Variants in CD109 observed in about 807,000 individuals in gnomAD.
CD109 encodes CD109 antigen.
A neutral mutation model predicts 165.8 loss-of-function variants in CD109; 149 were observed. The ratio of observed to expected loss-of-function variants is 0.90; its 90% confidence interval spans 0.79 to 1.03. The LOEUF is 1.03. Ranked by LOEUF, CD109 falls within the 50% of genes least tolerant of loss-of-function variation. The probability of loss-of-function intolerance (pLI) is 0.00; values close to 1 mark genes in which losing one functional copy is unlikely to be tolerated. For missense variants in CD109, 1,712 were observed against 1,677.8 expected (o/e 1.02, Z -0.36); for synonymous variants, 585 against 592.1 (o/e 0.99, Z 0.18).
At chr6:73,779,894 C>A (rs1007310957) in intron 15 of CD109, among the ~76,000 whole-genome samples, 1 of 151,804 alleles carries the variant, frequency 6.6e-6, no homozygotes. Context: ...GCAAATATCT[C>A]ATTTTTGAAA....
intron 2 of CD109, among the ~76,000 whole-genome samples, chr6:73,707,659 G>A (rs1225396860): frequency 2.6e-5 from 4 of 152,096 alleles, no homozygotes; most frequent in Admixed American, 2.6e-4. Context: ...CTAACCACAT[G>A]TGGTTTTTGA....
intron 5 of CD109, among the ~76,000 whole-genome samples, chr6:73,738,470 C>T (rs550631100): frequency 2.0e-5 from 3 of 152,180 alleles, no homozygotes; most frequent in East Asian, 1.9e-4. Flanking sequence ...GGATAACAGG[C>T]GCTGAGGGAT....
chr6:73,753,296 G>A (rs770342335), intron 5 of CD109, among the ~76,000 whole-genome samples: 6 of 152,142 alleles, frequency 3.9e-5, no homozygotes, highest in African/African-American at 7.2e-5. Flanking sequence ...AAAGTACTCA[G>A]TATCAGTGTT....
chr6:73,799,858 A>AT (rs567805191), intron 23 of CD109, among the ~76,000 whole-genome samples: 278 of 142,426 alleles, frequency 2.0e-3, no homozygotes, highest in Middle Eastern at 0.011. Flanking sequence ...TCCCCCCGCA[A>AT]TTTTTTTTTT....
At chr6:73,769,773 G>A (rs1773973010) in intron 14 of CD109, among the ~76,000 whole-genome samples, 1 of 152,194 alleles carries the variant, frequency 6.6e-6, no homozygotes, top group South Asian at 2.1e-4. Flanking sequence ...AGTATAGAGT[G>A]AGAAGTACAA....
At chr6:73,791,117 G>C (rs867557391) in intron 22 of CD109, among the ~76,000 whole-genome samples, 6 of 65,282 alleles carry the variant, frequency 9.2e-5, no homozygotes, top group African/African-American at 3.8e-4. Flanking sequence ...TTATTTGGAG[G>C]CATATATATA....
Position 73,781,266 on chromosome 6 carries a change from GA to G in CD109, c.1911del (p.Leu638SerfsTer4), listed in dbSNP as rs773406893. 6.2e-7 allele frequency: 1 copy of G among 1,611,944 alleles called. No homozygotes were observed. The highest frequency in any genetic ancestry group is 8.5e-7 in the Non-Finnish European group (1 of 1,178,302). On this transcript the variant is annotated frameshift_variant, in exon 17 of 33. Coordinates refer to ENST00000287097, the MANE Select transcript of CD109 (RefSeq NM_133493.5). LOFTEE classifies it high-confidence loss of function. Reference sequence around the variant, plus strand: ...AAAAATTATTCTTTTTAGGAATGTGGACTCTGGGTATTGACAGATGCAAACC... The same window carrying G: ...AAAAATTATTCTTTTTAGGAATGTGGCTCTGGGTATTGACAGATGCAAACC... ...MNSFAVFQEC[G>X]LWVLTDANLT... is the part of the protein sequence containing the mutation.
intron 5 of CD109, among the ~76,000 whole-genome samples, chr6:73,753,404 A>C (rs1773269255): frequency 6.6e-6 from 1 of 152,186 alleles, no homozygotes; most frequent in African/African-American, 2.4e-5. Context: ...ATATCTCATT[A>C]AAATAATTGA....
rs376378346 is a variant in CD109 at position 73,783,748 on chromosome 6, C to T, written c.2147C>T (p.Ser716Phe). 42 of 1,612,902 alleles carry T rather than the reference C, an allele frequency of 2.6e-5. No individual in the cohort carries two copies. Among genetic ancestry groups the T allele is most frequent in the Non-Finnish European group, 3.5e-5 (41 of 1,179,194 alleles). ...GAATTTGAAGTAACTGTACCTGATT[C>T]TATCACTTCTTGGGTGGCTACTGGT... ...YQEFEVTVPDSITSWVATGFV... is the reference protein window; with the variant it reads ...YQEFEVTVPDFITSWVATGFV... The change falls in exon 19 of 33, where the codon TCT becomes TTT. Residue 716 changes from serine to phenylalanine, a missense_variant. Coordinates refer to ENST00000287097, the MANE Select transcript of CD109 (RefSeq NM_133493.5).
intron 2 of CD109, among the ~76,000 whole-genome samples, chr6:73,722,352 C>T (rs1020858616): frequency 6.6e-6 from 1 of 152,170 alleles, no homozygotes; most frequent in Admixed American, 6.5e-5. Context: ...GCATCCTCAT[C>T]TTATGGATGA....
chr6:73,696,781 C>T (rs991106920), intron 1 of CD109, among the ~76,000 whole-genome samples: 2 of 152,168 alleles, frequency 1.3e-5, no homozygotes, highest in Non-Finnish European at 1.5e-5. Context: ...CTAAAGATTT[C>T]TGTAGTTGAG....
rs894845384 is a variant in CD109 at position 73,699,616 on chromosome 6, T to G, written c.247+2044T>G. Reference sequence around the variant, plus strand: ...TGTGGCTTGGTTTTCAGCTTTATTCTTAGATCTTCTTTTGGGAGAAGGGTT... The same window carrying G: ...TGTGGCTTGGTTTTCAGCTTTATTCGTAGATCTTCTTTTGGGAGAAGGGTT... On this transcript the variant is annotated intron_variant, in intron 2 of 32. Coordinates refer to ENST00000287097, the MANE Select transcript of CD109 (RefSeq NM_133493.5). 2.0e-5 allele frequency among the ~76,000 whole-genome samples: 3 copies of G among 152,286 alleles called. No homozygotes were observed. In the East Asian group the frequency reaches 5.8e-4, roughly 29 times the overall value.
rs1413426486 is a variant in CD109, at chr6:73,825,034, C to A, written c.*1401C>A. The A allele has an allele frequency of 6.6e-6, 1 of 152,060 alleles. No homozygotes were observed. Among genetic ancestry groups the A allele is most frequent in the Non-Finnish European group, 1.5e-5 (1 of 68,014 alleles). The allele number at this position is 152,060 out of a possible 1,614,324, so 9.4% of individuals were successfully genotyped here. A position where few individuals can be genotyped will look rare whatever the true frequency, so the allele number is the denominator to read the frequency against. ...GTTTTTAGCTATTTAAAAATAAATCCATCAAAAATAAAGTATGCAAATGTA... is the reference window on the plus strand; with the variant it reads ...GTTTTTAGCTATTTAAAAATAAATCAATCAAAAATAAAGTATGCAAATGTA... On this transcript the variant is annotated 3_prime_UTR_variant, in exon 33 of 33. Coordinates refer to ENST00000287097, the MANE Select transcript of CD109 (RefSeq NM_133493.5).
chr6:73,693,018 T>C (rs1005017422), upstream of CD109, among the ~76,000 whole-genome samples: 1 of 152,230 alleles, frequency 6.6e-6, no homozygotes, highest in Admixed American at 6.5e-5. Context: ...TCTAGATGGT[T>C]AAACAAGCTC....
Position 73,787,323 on chromosome 6 carries a change from G to A in CD109, c.2427G>A (p.Leu809=). 6.2e-7 allele frequency: 1 copy of A among 1,614,056 alleles called. No homozygotes were observed. Among genetic ancestry groups the A allele is most frequent in the South Asian group, 1.1e-5 (1 of 91,076 alleles). ...INATGHQQTL[L]VPSEDGATVL... is the part of the protein sequence containing the mutation. The stretch of plus-strand genomic sequence containing the variant: ...CCACAGGCCACCAGCAGACCCTTCT[G>A]GTTCCCAGTGAGGATGGGGCAACTG... Residue 809 remains leucine (L), a synonymous_variant, in exon 21 of 33, where the codon CTG becomes CTA. Coordinates refer to ENST00000287097, the MANE Select transcript of CD109 (RefSeq NM_133493.5).
chr6:73,821,473 G>C (rs897601103), intron 32 of CD109, among the ~76,000 whole-genome samples: 1 of 152,156 alleles, frequency 6.6e-6, no homozygotes, highest in Non-Finnish European at 1.5e-5. Context: ...CATCGACCTA[G>C]GTGCCCATCA....
In CD109 at chr6:73,808,097, G is replaced by A; in HGVS notation, c.3204G>A (p.Val1068=). Residue 1068 remains valine (V), a synonymous_variant, in exon 26 of 33, where the codon GTG becomes GTA. Coordinates refer to ENST00000287097, the MANE Select transcript of CD109 (RefSeq NM_133493.5). ...TTTCTTCCAAGCCTAACATTGATGT[G>A]CAAGAGTCTATCCATTTTTTGGAGT... The part of the protein sequence containing the change: ...GYRKYQPNID[V]QESIHFLESE... 1 of 1,612,972 alleles carries A rather than the reference G, an allele frequency of 6.2e-7. No individual in the cohort carries two copies. The highest frequency in any genetic ancestry group is 8.5e-7 in the Non-Finnish European group (1 of 1,179,412).
Position 73,788,464 on chromosome 6 carries a change from A to G in CD109, c.2557-4A>G. 6.2e-7 allele frequency: 1 copy of G among 1,605,624 alleles called. No homozygotes were observed. The highest frequency in any genetic ancestry group is 8.5e-7 in the Non-Finnish European group (1 of 1,177,914). On this transcript the variant is annotated splice_region_variant and splice_polypyrimidine_tract_variant and intron_variant, in intron 21 of 32. Transcript: ENST00000287097. ...ATGTTAATTGTGTTCATTTTTTTCA[A>G]CAGGCTGAAGGAATAGAAAAATCAT...
rs1054833063 is a variant in CD109, at chr6:73,827,679, C to T, written c.*4046C>T. Reference sequence around the variant, plus strand: ...GCCAGTGAGTTGTGTTTTCATGTCTCATCAAAAGACAATACCACATTGCAT... The same window carrying T: ...GCCAGTGAGTTGTGTTTTCATGTCTTATCAAAAGACAATACCACATTGCAT... On this transcript the variant is annotated 3_prime_UTR_variant, in exon 33 of 33. Transcript: ENST00000287097. 6.6e-6 allele frequency: 1 copy of T among 152,054 alleles called. No individual in the cohort carries two copies. The highest frequency in any genetic ancestry group is 1.5e-5 in the Non-Finnish European group (1 of 68,008). The allele number at this position is 152,054 out of a possible 1,614,324, so 9.4% of individuals were successfully genotyped here. A position where few individuals can be genotyped will look rare whatever the true frequency, so the allele number is the denominator to read the frequency against.
Sources: gnomAD v4.1 joint callset for allele counts (sites outside exome capture counted in the v4.1 genomes callset) on GRCh38, gnomAD v4.1.1 for gene constraint, MANE v1.5 for transcripts, NCBI Gene and HGNC (gene_info 2026-07-23, HGNC 2026-07-21) for gene names.